The following INPP5F variants were observed in gnomAD, a reference collection of about 807,000 sequenced individuals.
INPP5F encodes phosphatidylinositide 4-phosphatase SAC2.
A neutral mutation model predicts 137.2 loss-of-function variants in INPP5F; 97 were observed. The observed-to-expected ratio is 0.71, with a 90% CI of 0.60 to 0.84. The LOEUF (loss-of-function observed/expected upper bound fraction) is 0.84. Among genes scored for constraint, INPP5F ranks in the 40% least tolerant of loss-of-function variants. The pLI is 0.00. For synonymous variants in INPP5F, 504 were observed against 476.9 expected (o/e 1.06, Z -0.74); for missense variants, 1,271 against 1,371.9 (o/e 0.93, Z 1.16).
intron 2 of INPP5F, among the ~76,000 whole-genome samples, chr10:119,779,556 A>T (rs1252530776): frequency 6.6e-6 from 1 of 151,914 alleles, no homozygotes; most frequent in East Asian, 1.9e-4. Flanking sequence ...AGTAGCTGGG[A>T]CTACAGGTGC....
At position 119,785,535 on chromosome 10, in the gene INPP5F, C is replaced by A. The variant is rs201225538; in HGVS notation, c.315+3764C>A. ...TGATCTCCTGACCTTGTGATCCGCT[C>A]GAGAGAGAGAGAGAGAGAGAGAGAG... On this transcript the variant is annotated intron_variant, in intron 3 of 19. Transcript: ENST00000650623. Among the ~76,000 whole-genome samples, 37 of 93,626 alleles carry A rather than the reference C, an allele frequency of 4.0e-4. 1 individual carries two copies. Among genetic ancestry groups the A allele is most frequent in the African/African-American group, 1.3e-3 (33 of 25,412 alleles). 61.4% of individuals were successfully genotyped at this position (93,626 alleles called of 152,430 possible). A position where few individuals can be genotyped will look rare whatever the true frequency, so the allele number is the denominator to read the frequency against.
intron 1 of INPP5F, among the ~76,000 whole-genome samples, chr10:119,746,662 A>G (rs1259547555): frequency 6.6e-6 from 1 of 152,236 alleles, no homozygotes; most frequent in Non-Finnish European, 1.5e-5. Context: ...ATTTGCAAAC[A>G]TGTCAAAGAG....
chr10:119,799,059 C>T (rs1589729000), intron 9 of INPP5F, among the ~76,000 whole-genome samples: 2 of 152,238 alleles, frequency 1.3e-5, no homozygotes, highest in East Asian at 1.9e-4. Flanking sequence ...TACAGTTCAA[C>T]CTCCTGGAGA....
At position 119,791,580 on chromosome 10, in the gene INPP5F, T is replaced by C; in HGVS notation, c.379T>C (p.Ser127Pro). ...PEKIIPSPDDSKFLLKTFTHI... is the reference protein window; with the variant it reads ...PEKIIPSPDDPKFLLKTFTHI... ...GAAGATCATACCATCTCCTGATGAC[T>C]CAAAGTTTCTACTGAAGACCTTTAC... Residue 127 changes from serine to proline, a missense_variant, in exon 4 of 20, where the codon TCA becomes CCA. Transcript: ENST00000650623. 6.2e-7 allele frequency: 1 copy of C among 1,602,946 alleles called. No individual in the cohort carries two copies. Among genetic ancestry groups the C allele is most frequent in the South Asian group, 1.1e-5 (1 of 90,856 alleles).
chr10:119,818,308 C>G (rs1851373264), intron 15 of INPP5F, among the ~76,000 whole-genome samples: 1 of 152,264 alleles, frequency 6.6e-6, no homozygotes, highest in African/African-American at 2.4e-5. Context: ...TCCGCTAAGC[C>G]AAGTGGTGTT....
At chr10:119,734,493 A>G (rs565472254) in intron 1 of INPP5F, among the ~76,000 whole-genome samples, 23 of 152,246 alleles carry the variant, frequency 1.5e-4, no homozygotes, top group African/African-American at 5.1e-4. Flanking sequence ...TTCCCAAACC[A>G]TGACTTTTCT....
At position 119,748,798 on chromosome 10, in the gene INPP5F, G is replaced by A. The variant is rs560881013; in HGVS notation, c.98-2278G>A. On this transcript the variant is annotated intron_variant, in intron 1 of 19. Coordinates refer to ENST00000650623, the MANE Select transcript of INPP5F (RefSeq NM_014937.4). The surrounding 1 kb of genome is among the most constrained non-coding windows in gnomAD (Gnocchi z 4.7). ...TTACTCCAGCTCACGGACTCCACCC[G>A]GAACCTGCAGCTCAGACCCCAGGCT... Among the ~76,000 whole-genome samples the A allele has an allele frequency of 2.0e-5, 3 of 152,298 alleles. No individual in the cohort carries two copies. Among genetic ancestry groups the A allele is most frequent in the South Asian group, 4.1e-4 (2 of 4,834 alleles).
chr10:119,734,899 G>A (rs757242093), intron 1 of INPP5F, among the ~76,000 whole-genome samples: 1 of 147,916 alleles, frequency 6.8e-6, no homozygotes, highest in African/African-American at 2.4e-5. Flanking sequence ...GCTGATGTAA[G>A]TCATAATCAT....
intron 1 of INPP5F, among the ~76,000 whole-genome samples, chr10:119,734,736 C>G (rs1848174194): frequency 6.6e-6 from 1 of 152,176 alleles, no homozygotes; most frequent in South Asian, 2.1e-4. Flanking sequence ...TCTTTACAAG[C>G]TGTGTTACTA....
At chr10:119,782,917 C>CTTAA (rs1849756869) in intron 3 of INPP5F, among the ~76,000 whole-genome samples, 1 of 152,024 alleles carries the variant, frequency 6.6e-6, no homozygotes, top group Admixed American at 6.6e-5. Context: ...GTTAAATTGC[C>CTTAA]TTAAGAATAA....
At chr10:119,791,382 G>A in intron 3 of INPP5F, 135 bp from the exon 4 acceptor site, 1 of 697,510 alleles carries the variant, frequency 1.4e-6, no homozygotes, top group Non-Finnish European at 2.5e-6. Flanking sequence ...GCCATCAATT[G>A]TCTACTTGAT....
chr10:119,826,620 C>T lies in INPP5F; in HGVS notation c.2250-11C>T, dbSNP rs1302012133. 1.3e-6 allele frequency: 2 copies of T among 1,551,896 alleles called. No homozygotes were observed. The highest frequency in any genetic ancestry group is 2.2e-5 in the Admixed American group (1 of 46,010). ...ATGGGGAATTAACTTTTTTTCTCTTCTAATTTGTAGGAAGAGCAGTAAACC... is the reference window on the plus strand; with the variant it reads ...ATGGGGAATTAACTTTTTTTCTCTTTTAATTTGTAGGAAGAGCAGTAAACC... On this transcript the variant is annotated splice_polypyrimidine_tract_variant and intron_variant, in intron 19 of 19. Transcript: ENST00000650623.
intron 19 of INPP5F, chr10:119,826,076 T>C: frequency 2.5e-6 from 1 of 398,048 alleles, no homozygotes; most frequent in Non-Finnish European, 4.4e-6. Flanking sequence ...CCCCACTATC[T>C]GAATTTGAGC....
At chr10:119,790,904 TG>T (rs1279014773) in intron 3 of INPP5F, among the ~76,000 whole-genome samples, 2 of 152,250 alleles carry the variant, frequency 1.3e-5, no homozygotes, top group African/African-American at 4.8e-5. Flanking sequence ...CCTTGTCAGC[TG>T]TGCGGCACTT....
chr10:119,761,504 G>A (rs1410955454), intron 2 of INPP5F, among the ~76,000 whole-genome samples: 1 of 151,556 alleles, frequency 6.6e-6, no homozygotes. Flanking sequence ...CTTGATGTGT[G>A]TTGTTCCCTG....
rs531818185 is a variant in INPP5F, at chr10:119,781,049, G to GT, written c.179-579dup. On this transcript the variant is annotated intron_variant, in intron 2 of 19. Coordinates refer to ENST00000650623, the MANE Select transcript of INPP5F (RefSeq NM_014937.4). ...TTATTAATTCATAGAATACTTTTTTGTTTTTTTACAGCTGCATAGTACTCC... is the reference window on the plus strand; with the variant it reads ...TTATTAATTCATAGAATACTTTTTTGTTTTTTTTACAGCTGCATAGTACTCC... 9.4e-4 allele frequency among the ~76,000 whole-genome samples: 143 copies of GT among 152,044 alleles called. 1 individual carries two copies. The highest frequency in any genetic ancestry group is 1.8e-3 in the Non-Finnish European group (125 of 67,934).
chr10:119,808,923 C>A (rs1237953038), intron 13 of INPP5F, among the ~76,000 whole-genome samples: 1 of 152,072 alleles, frequency 6.6e-6, no homozygotes. Flanking sequence ...AGAAAGTAAA[C>A]TTTGGAAGTC....
chr10:119,794,163 C>T lies in INPP5F; in HGVS notation c.669+1950C>T, dbSNP rs1451763438. Among the ~76,000 whole-genome samples the T allele has an allele frequency of 4.6e-5, 7 of 151,866 alleles. No homozygotes were observed. The South Asian group carries it at 1.0e-3, about 23-fold the overall frequency. On this transcript the variant is annotated intron_variant, in intron 6 of 19. Transcript: ENST00000650623. Reference sequence around the variant, plus strand: ...TGGTTTTCCTAGGCAGAGGACCCTGCGGCCTTCCGCAGTGTTTGTGTCCCT... The same window carrying T: ...TGGTTTTCCTAGGCAGAGGACCCTGTGGCCTTCCGCAGTGTTTGTGTCCCT...
chr10:119,808,734 G>A (rs1850904840), intron 13 of INPP5F, among the ~76,000 whole-genome samples: 1 of 152,206 alleles, frequency 6.6e-6, no homozygotes, highest in South Asian at 2.1e-4. Context: ...TGAGGGCGTT[G>A]TCCTCTGTGG....
Sources: gnomAD v4.1 joint callset for allele counts (sites outside exome capture counted in the v4.1 genomes callset) on GRCh38, gnomAD v4.1.1 for gene constraint, Gnocchi (gnomAD v3.1) non-coding constraint, MANE v1.5 for transcripts, NCBI Gene and HGNC (gene_info 2026-07-23, HGNC 2026-07-21) for gene names.